Variants in COG3 observed in about 807,000 individuals in gnomAD.
COG3 encodes the protein conserved oligomeric Golgi complex subunit 3.
Under a neutral mutation model 114.1 loss-of-function variants are expected in COG3, and 32 were observed. The observed-to-expected ratio is 0.28, with a 90% CI of 0.21 to 0.38. The LOEUF is 0.38. Ranked by LOEUF, COG3 falls within the 10% of genes least tolerant of loss-of-function variation. The pLI, the probability that COG3 is intolerant of heterozygous loss-of-function variation, is 1.00. For missense variants in COG3, 813 were observed against 973.2 expected, an observed-to-expected ratio of 0.84 and a Z score of 2.19; for synonymous variants, 352 against 365.7, an observed-to-expected ratio of 0.96 and a Z score of 0.43.
intron 13 of COG3, among the ~76,000 whole-genome samples, chr13:45,501,098 G>A (rs543228950): frequency 6.6e-6 from 1 of 152,290 alleles, no homozygotes; most frequent in South Asian, 2.1e-4. Flanking sequence ...TGACCATCTG[G>A]CTGAAGTAGT....
intron 2 of COG3, among the ~76,000 whole-genome samples, chr13:45,478,070 A>C (rs1446570172): frequency 2.0e-5 from 3 of 152,228 alleles, no homozygotes; most frequent in Admixed American, 6.5e-5. Flanking sequence ...GCAAGTAGGC[A>C]TTAGCCTGTT....
intron 14 of COG3, among the ~76,000 whole-genome samples, chr13:45,507,601 C>T (rs766739861): frequency 6.6e-6 from 1 of 151,852 alleles, no homozygotes; most frequent in Non-Finnish European, 1.5e-5. Context: ...CCCATCTCTA[C>T]TAAAAATACA....
chr13:45,489,046 G>A (rs1374938483), intron 8 of COG3, among the ~76,000 whole-genome samples: 1 of 151,550 alleles, frequency 6.6e-6, no homozygotes, highest in Non-Finnish European at 1.5e-5. Context: ...AAATTAGCTG[G>A]ACACGGTGGT....
At chr13:45,506,002 A>T (rs899339938) in intron 14 of COG3, among the ~76,000 whole-genome samples, 2 of 151,600 alleles carry the variant, frequency 1.3e-5, no homozygotes, top group African/African-American at 4.9e-5. Flanking sequence ...CTTAAAGCCA[A>T]CCTCCCACCT....
intron 19 of COG3, among the ~76,000 whole-genome samples, chr13:45,523,971 G>T (rs1022512854): frequency 1.3e-5 from 2 of 152,118 alleles, no homozygotes; most frequent in Non-Finnish European, 2.9e-5. Flanking sequence ...ATATGAAGAG[G>T]GATGGAGTGA....
intron 20 of COG3, among the ~76,000 whole-genome samples, chr13:45,528,080 A>C (rs1872845577): frequency 6.6e-6 from 1 of 152,194 alleles, no homozygotes; most frequent in African/African-American, 2.4e-5. Flanking sequence ...ATATCCTGAT[A>C]TCTTGAGAAC....
At chr13:45,507,874 C>T (rs1345032923) in intron 14 of COG3, among the ~76,000 whole-genome samples, 2 of 150,470 alleles carry the variant, frequency 1.3e-5, no homozygotes, top group Non-Finnish European at 3.0e-5. Flanking sequence ...TCAAGACCAT[C>T]CTGACCAACA....
chr13:45,516,040 C>A, intron 16 of COG3, 103 bp from the exon 17 acceptor site: 1 of 778,458 alleles, frequency 1.3e-6, no homozygotes, highest in South Asian at 4.1e-5. Context: ...ACACCATAGG[C>A]TGTAAACCTA....
intron 14 of COG3, among the ~76,000 whole-genome samples, chr13:45,508,275 A>G (rs1229940811): frequency 6.7e-6 from 1 of 149,846 alleles, no homozygotes; most frequent in African/African-American, 2.4e-5. Context: ...CTATTTTCTT[A>G]TTATTGAAAA....
At chr13:45,491,609 A>C (rs2137829240) in intron 10 of COG3, 71 bp downstream of exon 10, 127 of 1,413,414 alleles carry the variant, frequency 9.0e-5, no homozygotes, top group Middle Eastern at 7.5e-4. Context: ...TAGAAACTAT[A>C]CCTGGTTAAA....
intron 7 of COG3, among the ~76,000 whole-genome samples, chr13:45,484,577 C>CTTATTTAT (rs200717475): frequency 7.6e-4 from 105 of 137,402 alleles, no homozygotes; most frequent in African/African-American, 8.9e-4. Context: ...CCTAAGCTTG[C>CTTATTTAT]TTATTTATTT....
chr13:45,495,477 A>G (rs1213590893), intron 12 of COG3, among the ~76,000 whole-genome samples: 1 of 152,010 alleles, frequency 6.6e-6, no homozygotes, highest in Non-Finnish European at 1.5e-5. Flanking sequence ...TCCCGGGCTC[A>G]GGTGATTCCC....
intron 14 of COG3, among the ~76,000 whole-genome samples, chr13:45,505,994 T>G (rs1870101759): frequency 6.6e-6 from 1 of 152,176 alleles, no homozygotes; most frequent in African/African-American, 2.4e-5. Context: ...CTCCTGGGCT[T>G]AAAGCCAACC....
At chr13:45,490,653 A>G (rs1215935460) in intron 8 of COG3, among the ~76,000 whole-genome samples, 2 of 152,002 alleles carry the variant, frequency 1.3e-5, no homozygotes, top group African/African-American at 4.8e-5. Context: ...TTAATTTTTA[A>G]AAAACAGATT....
chr13:45,514,883 C>T (rs1390037182), intron 16 of COG3, among the ~76,000 whole-genome samples: 1 of 151,582 alleles, frequency 6.6e-6, no homozygotes, highest in Non-Finnish European at 1.5e-5. Context: ...CTCCTTACCT[C>T]GTGATCCGAC....
chr13:45,513,800 C>A (rs1871231480), intron 16 of COG3, among the ~76,000 whole-genome samples: 1 of 151,724 alleles, frequency 6.6e-6, no homozygotes, highest in African/African-American at 2.4e-5. Flanking sequence ...TTAGAAAACA[C>A]ATGTCTAATG....
chr13:45,500,094 GTATA>G (rs3083326), intron 13 of COG3, among the ~76,000 whole-genome samples: 3,965 of 114,778 alleles, frequency 0.035, 240 homozygotes, highest in African/African-American at 0.13. Flanking sequence ...GTGTGTGTGT[GTATA>G]TATATATATA....
intron 16 of COG3, among the ~76,000 whole-genome samples, chr13:45,514,840 G>A (rs180995859): frequency 2.0e-5 from 3 of 152,030 alleles, no homozygotes; most frequent in African/African-American, 4.8e-5. Flanking sequence ...TAGAGACGGG[G>A]TTTCACCATG....
intron 17 of COG3, among the ~76,000 whole-genome samples, chr13:45,516,563 C>T (rs1229011812): frequency 1.3e-5 from 2 of 152,126 alleles, no homozygotes; most frequent in African/African-American, 4.8e-5. Flanking sequence ...TAACTGCTTC[C>T]TAAGTAAGTA....
Sources: gnomAD v4.1 joint callset for allele counts (sites outside exome capture counted in the v4.1 genomes callset) on GRCh38, gnomAD v4.1.1 for gene constraint, MANE v1.5 for transcripts, NCBI Gene and HGNC (gene_info 2026-07-23, HGNC 2026-07-21) for gene names.